PTPRT: variants seen among roughly 807,000 people sequenced by gnomAD.
PTPRT encodes the protein receptor-type tyrosine-protein phosphatase T.
A neutral mutation model predicts 176.8 loss-of-function variants in PTPRT; 56 were observed. The ratio of observed to expected loss-of-function variants is 0.32; its 90% confidence interval spans 0.26 to 0.40. The LOEUF (loss-of-function observed/expected upper bound fraction) is 0.40, where lower values mean the gene tolerates loss of function less well. PTPRT is among the 10% of genes least tolerant of loss of function. PTPRT has a pLI of 1.00. For synonymous variants in PTPRT, 783 were observed against 739.0 expected, an observed-to-expected ratio of 1.06 and a Z score of -0.96; for missense variants, 1,540 against 1,908.2, an observed-to-expected ratio of 0.81 and a Z score of 3.60.
the PTPRT span, among the ~76,000 whole-genome samples, chr20:42,067,212 T>C: frequency 6.6e-6 from 1 of 152,156 alleles, no homozygotes; most frequent in Non-Finnish European, 1.5e-5. Flanking sequence ...GCCAGAAATT[T>C]GACAGCCTGT....
At chr20:43,096,950 A>G (rs2012194833) in intron 1 of PTPRT, among the ~76,000 whole-genome samples, 1 of 152,202 alleles carries the variant, frequency 6.6e-6, no homozygotes, top group Non-Finnish European at 1.5e-5. Context: ...TGAAGGCCCG[A>G]GGTAAGTTTG....
chr20:42,104,773 A>C, intron 24 of PTPRT, 55 bp from the exon 25 acceptor site: 1 of 1,493,748 alleles, frequency 6.7e-7, no homozygotes. Flanking sequence ...TGGCCTGGGA[A>C]TTAGCTGTCC....
chr20:43,044,149 G>C (rs1986742188), intron 1 of PTPRT, among the ~76,000 whole-genome samples: 1 of 152,142 alleles, frequency 6.6e-6, no homozygotes, highest in African/African-American at 2.4e-5. Context: ...GGCTGAATTT[G>C]GAGCACCTGC....
intron 7 of PTPRT, among the ~76,000 whole-genome samples, chr20:42,520,442 G>C (rs1005759199): frequency 1.6e-4 from 25 of 151,764 alleles, no homozygotes; most frequent in African/African-American, 5.8e-4. Context: ...TTATAGTTTT[G>C]TCTTCCAAAT....
chr20:42,309,216 C>A (rs73120090), intron 12 of PTPRT, among the ~76,000 whole-genome samples: 1,742 of 152,330 alleles, frequency 0.011, 40 homozygotes, highest in African/African-American at 0.04. Flanking sequence ...GTTTGCCACA[C>A]TTGTTTTGCA....
At position 42,393,074 on chromosome 20, in the gene PTPRT, A is replaced by T. The variant is rs114736113; in HGVS notation, c.1561-40789T>A. Among the ~76,000 whole-genome samples, 1,158 of 152,278 alleles carry T rather than the reference A, an allele frequency of 7.6e-3. 22 individuals carry two copies. The highest frequency in any genetic ancestry group is 0.027 in the African/African-American group (1,121 of 41,558). On this transcript the variant is annotated intron_variant, in intron 9 of 30. Coordinates refer to ENST00000373187, the MANE Select transcript of PTPRT (RefSeq NM_007050.6). ...GGGAATTTAGCAAGATCTATTTTGT[A>T]ACGATTCTTCTCCATCCCCCTGTGT... is the stretch of plus-strand genomic sequence containing the variant.
At chr20:42,389,866 A>ATAG (rs1555839178) in intron 9 of PTPRT, among the ~76,000 whole-genome samples, 1 of 138,434 alleles carries the variant, frequency 7.2e-6, no homozygotes, top group Non-Finnish European at 1.5e-5. Flanking sequence ...AAAAAAAAAA[A>ATAG]AAAGAAAGAA....
rs147197060 is a variant in PTPRT, at chr20:42,563,711, T to C, written c.1154-91149A>G. Among the ~76,000 whole-genome samples the C allele has an allele frequency of 2.1e-3, 318 of 152,346 alleles. 3 individuals are homozygous for C. The highest frequency in any genetic ancestry group is 7.3e-3 in the African/African-American group (303 of 41,592). On this transcript the variant is annotated intron_variant, in intron 7 of 30. Transcript: ENST00000373187. ...TGTCTTTATCATGGAGAGCTGTTCA[T>C]ATCCTTTTTGAGAGACTGAAGTAGG...
the PTPRT span, among the ~76,000 whole-genome samples, chr20:42,060,626 G>T: frequency 1.3e-5 from 2 of 152,196 alleles, no homozygotes; most frequent in African/African-American, 4.8e-5. Flanking sequence ...TCTGCCTGCT[G>T]CCATCCATGT....
chr20:42,313,186 G>A (rs545943138), intron 12 of PTPRT, among the ~76,000 whole-genome samples: 73 of 152,292 alleles, frequency 4.8e-4, no homozygotes, highest in African/African-American at 1.7e-3. Flanking sequence ...ATGTCAGGAA[G>A]TTACCCTATA....
the PTPRT span, among the ~76,000 whole-genome samples, chr20:42,051,566 A>G: frequency 6.6e-6 from 1 of 152,268 alleles, no homozygotes; most frequent in East Asian, 1.9e-4. Context: ...GAACTGAGGG[A>G]TGAACGACAG....
chr20:42,483,163 T>G (rs1243555455), intron 7 of PTPRT, among the ~76,000 whole-genome samples: 2 of 152,120 alleles, frequency 1.3e-5, no homozygotes, highest in African/African-American at 4.8e-5. Flanking sequence ...TCTCCCAGTT[T>G]TCACTCATTC....
At chr20:43,145,705 A>T (rs1250096072) in intron 1 of PTPRT, among the ~76,000 whole-genome samples, 1 of 152,256 alleles carries the variant, frequency 6.6e-6, no homozygotes, top group Non-Finnish European at 1.5e-5. Context: ...ACCAGATAAC[A>T]GAGAATCACA....
At chr20:42,332,517 A>C (rs1204692215) in intron 11 of PTPRT, among the ~76,000 whole-genome samples, 1 of 152,092 alleles carries the variant, frequency 6.6e-6, no homozygotes, top group African/African-American at 2.4e-5. Context: ...GCCAGAAAAG[A>C]ATATTTCTGT....
At chr20:42,096,151 G>A (rs932625307) in intron 27 of PTPRT, among the ~76,000 whole-genome samples, 16 of 152,116 alleles carry the variant, frequency 1.1e-4, no homozygotes, top group African/African-American at 3.9e-4. Context: ...CTGCAGTTCA[G>A]ATAACTACCT....
At position 42,420,807 on chromosome 20, in the gene PTPRT, A is replaced by C. The variant is rs528147738; in HGVS notation, c.1560+27413T>G. 3.9e-5 allele frequency among the ~76,000 whole-genome samples: 6 copies of C among 152,284 alleles called. 1 individual carries two copies. The South Asian group carries it at 1.2e-3, about 32-fold the overall frequency. Reference sequence around the variant, plus strand: ...GGACCAACCCCCGCCAAGACCTCACAACATTTGGGGGTGTTGCAGAGAACA... The same window carrying C: ...GGACCAACCCCCGCCAAGACCTCACCACATTTGGGGGTGTTGCAGAGAACA... On this transcript the variant is annotated intron_variant, in intron 9 of 30. Transcript: ENST00000373187.
the PTPRT span, among the ~76,000 whole-genome samples, chr20:42,057,187 T>C: frequency 6.6e-6 from 1 of 152,244 alleles, no homozygotes; most frequent in Non-Finnish European, 1.5e-5. Context: ...AACAGTGGGC[T>C]GAGTCTTGGA....
At chr20:42,081,758 C>T in intron 30 of PTPRT, 124 bp downstream of exon 30, 1 of 1,260,908 alleles carries the variant, frequency 7.9e-7, no homozygotes. Flanking sequence ...ATACCAAGGG[C>T]ACAGAATGCA....
intron 1 of PTPRT, among the ~76,000 whole-genome samples, chr20:43,172,058 CA>C (rs1169055003): frequency 2.0e-5 from 3 of 152,192 alleles, no homozygotes; most frequent in Admixed American, 6.5e-5. Context: ...TTAAAGGGTT[CA>C]AAACCTCACT....
Sources: gnomAD v4.1 joint callset for allele counts (sites outside exome capture counted in the v4.1 genomes callset) on GRCh38, gnomAD v4.1.1 for gene constraint, MANE v1.5 for transcripts, NCBI Gene and HGNC (gene_info 2026-07-23, HGNC 2026-07-21) for gene names.